WNT9B: variants seen among roughly 807,000 people sequenced by gnomAD.
The protein encoded by WNT9B is Wnt family member 9B.
Under a neutral mutation model 30.2 loss-of-function variants are expected in WNT9B, and 12 were observed. The ratio of observed to expected loss-of-function variants is 0.40; its 90% CI spans 0.26 to 0.64. The LOEUF (loss-of-function observed/expected upper bound fraction) is 0.64. WNT9B is among the 30% of genes least tolerant of loss of function. The probability of loss-of-function intolerance (pLI) is 0.42; values close to 1 mark genes in which losing one functional copy is unlikely to be tolerated. For missense variants in WNT9B, 442 were observed against 485.2 expected (o/e 0.91, Z 0.84); for synonymous variants, 218 against 216.9 (o/e 1.01, Z -0.05).
rs1226748035 is a variant in WNT9B at position 46,879,000 on chromosome 17, C to T, written c.*2282C>T. Among the ~76,000 whole-genome samples, 5 of 152,206 alleles carry T rather than the reference C, an allele frequency of 3.3e-5. No individual in the cohort carries two copies. Among genetic ancestry groups the T allele is most frequent in the Admixed American group, 2.6e-4 (4 of 15,278 alleles). On this transcript the variant is annotated 3_prime_UTR_variant, in exon 4 of 4. Transcript: ENST00000290015. Reference sequence around the variant, plus strand: ...ACCCCTGAAGACCCACCTCGGCCCTCTTGGGGCCCCTGGGGACTAGAGTGA... The same window carrying T: ...ACCCCTGAAGACCCACCTCGGCCCTTTTGGGGCCCCTGGGGACTAGAGTGA...
chr17:46,872,849 C>T (rs1038481459), intron 2 of WNT9B, 76 bp downstream of exon 2: 3 of 1,478,506 alleles, frequency 2.0e-6, no homozygotes, highest in Non-Finnish European at 1.8e-6. Context: ...GAGAGGCTGC[C>T]CTTTCCTTTT....
At chr17:46,855,985 G>A (rs760630682) in intron 1 of WNT9B, among the ~76,000 whole-genome samples, 8 of 152,052 alleles carry the variant, frequency 5.3e-5, no homozygotes, top group Non-Finnish European at 8.8e-5. Context: ...CACCATGCCC[G>A]GCCCCCAGTC....
At chr17:46,882,670 G>A (rs745976000), downstream of WNT9B, among the ~76,000 whole-genome samples, 4 of 152,094 alleles carry the variant, frequency 2.6e-5, no homozygotes, top group Non-Finnish European at 4.4e-5. Flanking sequence ...ATTTCTTTCC[G>A]ATTCTTGACT....
chr17:46,885,029 C>T (rs146865812), downstream of WNT9B: 538 of 436,906 alleles, frequency 1.2e-3, no homozygotes, highest in Middle Eastern at 3.7e-3. Flanking sequence ...GTTCTTGTTG[C>T]GCAGGTTGGA....
At chr17:46,866,137 G>A (rs1258818906) in intron 1 of WNT9B, among the ~76,000 whole-genome samples, 1 of 152,124 alleles carries the variant, frequency 6.6e-6, no homozygotes, top group Non-Finnish European at 1.5e-5. Context: ...GTAGAGGGGA[G>A]GGTGTGCTCA....
At chr17:46,839,932 C>A (rs1411761722) in intron 1 of WNT9B, among the ~76,000 whole-genome samples, 5 of 138,288 alleles carry the variant, frequency 3.6e-5, no homozygotes, top group Non-Finnish European at 6.4e-5. Context: ...TTCTTTCTTT[C>A]TTTCTTTCTT....
At chr17:46,847,801 T>C (rs1005725855), upstream of WNT9B, among the ~76,000 whole-genome samples, 4 of 152,272 alleles carry the variant, frequency 2.6e-5, no homozygotes, top group South Asian at 2.1e-4. Context: ...ACAGGAGATA[T>C]GGAGCCAACC....
intron 2 of WNT9B, among the ~76,000 whole-genome samples, chr17:46,873,843 A>T (rs533556950): frequency 6.6e-6 from 1 of 152,038 alleles, no homozygotes; most frequent in Non-Finnish European, 1.5e-5. Context: ...TACAAAAATT[A>T]GCTGGCATGG....
intron 1 of WNT9B, among the ~76,000 whole-genome samples, chr17:46,855,462 G>A (rs561540687): frequency 6.6e-6 from 1 of 152,282 alleles, no homozygotes; most frequent in African/African-American, 2.4e-5. Context: ...TCTCTGTGTT[G>A]TCCCTGATCA....
intron 1 of WNT9B, among the ~76,000 whole-genome samples, chr17:46,845,161 C>G (rs8072239): frequency 0.22 from 33,443 of 152,140 alleles, 4,454 homozygotes; most frequent in East Asian, 0.49. Context: ...CTTCCTCCTT[C>G]TTTTGAGCAG....
chr17:46,877,900 C>T lies in WNT9B; in HGVS notation c.*1182C>T, dbSNP rs1040893439. 6.6e-6 allele frequency among the ~76,000 whole-genome samples: 1 copy of T among 152,214 alleles called. No individual in the cohort carries two copies. On this transcript the variant is annotated 3_prime_UTR_variant, in exon 4 of 4. Transcript: ENST00000290015. ...CCTCCTTCAGTTCCTAATGGCCTCT[C>T]ACTTGGCCCTCACTTTGGCTCTTAC... is the stretch of plus-strand genomic sequence containing the variant.
chr17:46,877,131 A>G lies in WNT9B; in HGVS notation c.*413A>G. ...GTGAACTGCTGGGCTAGGAATGCCA[A>G]GGCAGGCAGTGCCAGCTGGAAGTGA... On this transcript the variant is annotated 3_prime_UTR_variant, in exon 4 of 4. Coordinates refer to ENST00000290015, the MANE Select transcript of WNT9B (RefSeq NM_003396.3). The G allele has an allele frequency of 3.1e-6, 3 of 973,984 alleles. No individual in the cohort carries two copies. The South Asian group carries it at 1.4e-4, about 46-fold the overall frequency. The allele number at this position is 973,984 out of a possible 1,614,324, so 60.3% of individuals were successfully genotyped here.
chr17:46,872,483 G>A lies in WNT9B; in HGVS notation c.78-34G>A, dbSNP rs1165097495. On this transcript the variant is annotated intron_variant, in intron 1 of 3. Transcript: ENST00000290015. ...ATTTGCCCCTCACCACCATCCCCAA[G>A]GCTCACCTGTCTCCCTCCTCTCGCT... The A allele has an allele frequency of 2.7e-6, 4 of 1,457,694 alleles. No individual in the cohort carries two copies. The African/African-American group carries it at 4.3e-5, about 16-fold the overall frequency. The allele number at this position is 1,457,694 out of a possible 1,614,324, so 90.3% of individuals were successfully genotyped here.
rs1387065986 is a variant in WNT9B at position 46,878,358 on chromosome 17, C to T, written c.*1640C>T. ...CCAGGACAAAGGCCCGCTGACTGTG[C>T]CCTGGCCAACTCCCTGAGACCTCCA... On this transcript the variant is annotated 3_prime_UTR_variant, in exon 4 of 4. Transcript: ENST00000290015. Among the ~76,000 whole-genome samples the T allele has an allele frequency of 6.6e-6, 1 of 152,204 alleles. No homozygotes were observed. The highest frequency in any genetic ancestry group is 1.9e-4 in the East Asian group (1 of 5,188).
upstream of WNT9B, among the ~76,000 whole-genome samples, chr17:46,851,189 C>G (rs1265381072): frequency 6.6e-6 from 1 of 152,178 alleles, no homozygotes; most frequent in Non-Finnish European, 1.5e-5. This position sits in a 1 kb window ranked among gnomAD's most constrained non-coding sequence, Gnocchi z 4.3. Flanking sequence ...CCAGATGCGT[C>G]CCTCCTCCTA....
Position 46,876,436 on chromosome 17 carries a change from T to A in WNT9B, c.792T>A (p.Pro264=), listed in dbSNP as rs1400861456. 3 of 1,613,732 alleles carry A rather than the reference T, an allele frequency of 1.9e-6. No individual in the cohort carries two copies. Among genetic ancestry groups the A allele is most frequent in the South Asian group, 2.2e-5 (2 of 91,082 alleles). Residue 264 remains proline, a synonymous_variant, in exon 4 of 4, where the codon CCT becomes CCA. Transcript: ENST00000290015. ...TGGGCCGCCTAGAGCTGTGGGCCCC[T>A]GCCAGGCAGGGCAGCCTCACCAAAG... ...EALGRLELWA[P]ARQGSLTKGL... is the part of the protein sequence containing the mutation.
intron 1 of WNT9B, among the ~76,000 whole-genome samples, chr17:46,855,451 C>T (rs1379378133): frequency 6.6e-6 from 1 of 152,194 alleles, no homozygotes; most frequent in Non-Finnish European, 1.5e-5. Flanking sequence ...CTCTGGGACA[C>T]TCTCTGTGTT....
In WNT9B at chr17:46,873,086, TCACACACACACACACA is replaced by T. The variant is rs61118325; in HGVS notation, c.334+345_334+360del. ...CCCCCAGTTGTCTCCCTCTGCCTCT[TCACACACACACACACA>T]CACACACACACACACACACACACAC... On this transcript the variant is annotated intron_variant, in intron 2 of 3. Coordinates refer to ENST00000290015, the MANE Select transcript of WNT9B (RefSeq NM_003396.3). Among the ~76,000 whole-genome samples the T allele has an allele frequency of 5.4e-4, 75 of 139,908 alleles. 1 individual carries two copies. The highest frequency in any genetic ancestry group is 6.3e-4 in the Non-Finnish European group (41 of 64,622). The allele number at this position is 139,908 out of a possible 152,430, so 91.8% of individuals were successfully genotyped here. A position where few individuals can be genotyped will look rare whatever the true frequency, so the allele number is the denominator to read the frequency against.
Position 46,878,299 on chromosome 17 carries a change from A to G in WNT9B, c.*1581A>G, listed in dbSNP as rs1432814565. 2.0e-5 allele frequency among the ~76,000 whole-genome samples: 3 copies of G among 152,178 alleles called. No homozygotes were observed. Among genetic ancestry groups the G allele is most frequent in the African/African-American group, 7.2e-5 (3 of 41,436 alleles). On this transcript the variant is annotated 3_prime_UTR_variant, in exon 4 of 4. Transcript: ENST00000290015. ...CACCAACACAGGAAATTTCAGAATC[A>G]GCTGAATGCTCAGAAACCTCGCCTG... is the stretch of plus-strand genomic sequence containing the variant.
Sources: gnomAD v4.1 joint callset for allele counts (sites outside exome capture counted in the v4.1 genomes callset) on GRCh38, gnomAD v4.1.1 for gene constraint, Gnocchi (gnomAD v3.1) non-coding constraint, MANE v1.5 for transcripts, NCBI Gene and HGNC (gene_info 2026-07-23, HGNC 2026-07-21) for gene names.